ATP10A: variants seen among roughly 807,000 people sequenced by gnomAD.
ATP10A encodes ATPase phospholipid transporting 10A (putative), also known as phospholipid-transporting ATPase VA.
A neutral mutation model predicts 147.8 loss-of-function variants in ATP10A; 111 were observed. The ratio of observed to expected loss-of-function variants is 0.75; its 90% confidence interval spans 0.64 to 0.88. The LOEUF is 0.88. Among genes scored for constraint, ATP10A ranks in the 40% least tolerant of loss-of-function variants. The pLI, the probability that ATP10A is intolerant of heterozygous loss-of-function variation, is 0.00. For synonymous variants in ATP10A, 875 were observed against 841.6 expected (o/e 1.04, Z -0.69); for missense variants, 1,927 against 1,959.0 (o/e 0.98, Z 0.31).
In ATP10A at chr15:25,781,092, T is replaced by G. The variant is rs1889900065; in HGVS notation, c.581A>C (p.His194Pro). 1.2e-6 allele frequency: 2 copies of G among 1,614,052 alleles called. No homozygotes were observed. Among genetic ancestry groups the G allele is most frequent in the Non-Finnish European group, 8.5e-7 (1 of 1,180,046 alleles). ...LSSSDPDGLC[H>P]IETANLDGET... ...TCCATCCAGGTTGGCGGTCTCGATG[T>G]GGCATAGCCCGTCGGGGTCACTGGA... Residue 194 changes from histidine (H) to proline (P), a missense_variant, in exon 2 of 21, where the codon CAC becomes CCC. Transcript: ENST00000555815.
At chr15:25,780,905 A>G in intron 2 of ATP10A, 114 bp downstream of exon 2, 1 of 1,224,262 alleles carries the variant, frequency 8.2e-7, no homozygotes, top group Admixed American at 2.1e-5. Context: ...TACTAGGAAA[A>G]ACAGCCTGGT....
At chr15:25,745,590 C>T (rs1887806629) in intron 2 of ATP10A, among the ~76,000 whole-genome samples, 1 of 151,778 alleles carries the variant, frequency 6.6e-6, no homozygotes, top group Non-Finnish European at 1.5e-5. Context: ...AGGAAATTGG[C>T]CTGATGAAAG....
Position 25,759,308 on chromosome 15 carries a change from C to G in ATP10A, c.654+21711G>C, listed in dbSNP as rs1021331412. Among the ~76,000 whole-genome samples the G allele has an allele frequency of 4.6e-5, 7 of 152,136 alleles. 1 individual carries two copies. The South Asian group carries it at 1.5e-3, about 32-fold the overall frequency. On this transcript the variant is annotated intron_variant, in intron 2 of 20. Coordinates refer to ENST00000555815, the MANE Select transcript of ATP10A (RefSeq NM_024490.4). Reference sequence around the variant, plus strand: ...TTATCCTCAGGTAGAAGGCATAGGACAAAATGGAAGGTTTAAGCAAGATGT... The same window carrying G: ...TTATCCTCAGGTAGAAGGCATAGGAGAAAATGGAAGGTTTAAGCAAGATGT...
chr15:25,693,506 G>A (rs541475063), intron 14 of ATP10A, among the ~76,000 whole-genome samples: 1 of 152,076 alleles, frequency 6.6e-6, no homozygotes, highest in East Asian at 2.0e-4. Flanking sequence ...GTCTTACTGT[G>A]TACTGTGGCC....
intron 1 of ATP10A, among the ~76,000 whole-genome samples, chr15:25,796,979 T>C (rs8023362): frequency 0.21 from 32,034 of 152,240 alleles, 3,692 homozygotes; most frequent in African/African-American, 0.3. Context: ...ACCGATCTTT[T>C]TTTCTGATGA....
Position 25,841,247 on chromosome 15 carries a change from T to A in ATP10A, c.449+21401A>T, listed in dbSNP as rs541017546. ...ATTTAAATCTATAATCTTTAACAAGTTAATTTTTATATGAGGTATGTGAGG... is the reference window on the plus strand; with the variant it reads ...ATTTAAATCTATAATCTTTAACAAGATAATTTTTATATGAGGTATGTGAGG... On this transcript the variant is annotated intron_variant, in intron 1 of 20. Transcript: ENST00000555815. Among the ~76,000 whole-genome samples, 26 of 150,146 alleles carry A rather than the reference T, an allele frequency of 1.7e-4. No homozygotes were observed. The South Asian group carries it at 5.4e-3, about 31-fold the overall frequency.
chr15:25,746,031 C>T (rs531041787), intron 2 of ATP10A, among the ~76,000 whole-genome samples: 42 of 152,168 alleles, frequency 2.8e-4, no homozygotes, highest in African/African-American at 9.9e-4. Context: ...CCAGTAGTAA[C>T]TTTAAAAGTG....
At chr15:25,683,235 G>T in intron 17 of ATP10A, 51 bp downstream of exon 17, 3 of 1,557,512 alleles carry the variant, frequency 1.9e-6, no homozygotes, top group Non-Finnish European at 2.6e-6. Context: ...AAGAGTGAAC[G>T]TGGAGGGCAG....
At chr15:25,693,995 A>T (rs181374230) in intron 14 of ATP10A, among the ~76,000 whole-genome samples, 28 of 152,030 alleles carry the variant, frequency 1.8e-4, no homozygotes, top group Admixed American at 1.6e-3. Context: ...GTTCTCACCT[A>T]GGAGTAGATT....
Position 25,713,729 on chromosome 15 carries a change from G to A in ATP10A, c.2289C>T (p.Val763=). 6.2e-7 allele frequency: 1 copy of A among 1,614,178 alleles called. No homozygotes were observed. The highest frequency in any genetic ancestry group is 8.5e-7 in the Non-Finnish European group (1 of 1,180,042). Residue 763 remains valine, a synonymous_variant, in exon 10 of 21, where the codon GTC becomes GTT. Coordinates refer to ENST00000555815, the MANE Select transcript of ATP10A (RefSeq NM_024490.4). The part of the protein sequence containing the change: ...IRHPLTDEIN[V]YTKGADSVVM... ...CCACTGAGTCGGCCCCCTTGGTGTA[G>A]ACGTTGATCTCATCGGTAAGCGGGT...
chr15:25,753,344 G>A (rs2140591360), intron 2 of ATP10A, among the ~76,000 whole-genome samples: 1 of 152,226 alleles, frequency 6.6e-6, no homozygotes, highest in East Asian at 1.9e-4. Flanking sequence ...TGAGATACTT[G>A]TCTTTCTGTG....
intron 2 of ATP10A, among the ~76,000 whole-genome samples, chr15:25,741,860 A>T (rs1887595703): frequency 6.6e-6 from 1 of 152,346 alleles, no homozygotes; most frequent in East Asian, 1.9e-4. Flanking sequence ...AAAAATAAAT[A>T]ATAAATAAAT....
At chr15:25,823,537 A>G (rs1483137575) in intron 1 of ATP10A, among the ~76,000 whole-genome samples, 1 of 152,194 alleles carries the variant, frequency 6.6e-6, no homozygotes, top group Non-Finnish European at 1.5e-5. Context: ...GATACCCACT[A>G]TGTTGTATTT....
At chr15:25,784,526 C>T (rs61991472) in intron 1 of ATP10A, among the ~76,000 whole-genome samples, 44,792 of 152,054 alleles carry the variant, frequency 0.29, 7,072 homozygotes, top group East Asian at 0.41. Flanking sequence ...ACCCTCCACA[C>T]ATGGAGAGAT....
intron 1 of ATP10A, among the ~76,000 whole-genome samples, chr15:25,860,350 G>A (rs1024526733): frequency 2.6e-5 from 4 of 152,132 alleles, no homozygotes; most frequent in African/African-American, 4.8e-5. Context: ...CCTGCATCCC[G>A]GGGCTGGGAG....
At chr15:25,822,190 C>T (rs528907429) in intron 1 of ATP10A, among the ~76,000 whole-genome samples, 1 of 152,108 alleles carries the variant, frequency 6.6e-6, no homozygotes, top group African/African-American at 2.4e-5. Context: ...TCAGTATAGA[C>T]CCAGTGATTT....
intron 2 of ATP10A, among the ~76,000 whole-genome samples, chr15:25,746,572 T>C (rs1341803819): frequency 6.6e-6 from 1 of 152,342 alleles, no homozygotes; most frequent in East Asian, 1.9e-4. Context: ...TGACAAGTAC[T>C]GACCATATTC....
chr15:25,838,640 G>T lies in ATP10A; in HGVS notation c.449+24008C>A, dbSNP rs184207279. On this transcript the variant is annotated intron_variant, in intron 1 of 20. Transcript: ENST00000555815. ...ATTACTCAAGTGCAGATGAAGTTTT[G>T]ATTTTCTGCATCTTTAAACTCACTA... Among the ~76,000 whole-genome samples the T allele has an allele frequency of 1.4e-3, 220 of 152,288 alleles. 1 individual carries two copies. The highest frequency in any genetic ancestry group is 6.8e-3 in the Middle Eastern group (2 of 294).
intron 1 of ATP10A, among the ~76,000 whole-genome samples, chr15:25,843,372 GGAGA>G (rs1369177879): frequency 6.6e-6 from 1 of 152,084 alleles, no homozygotes; most frequent in Non-Finnish European, 1.5e-5. Context: ...CAGTGCAAGT[GGAGA>G]GAGACAGATG....
Sources: gnomAD v4.1 joint callset for allele counts (sites outside exome capture counted in the v4.1 genomes callset) on GRCh38, gnomAD v4.1.1 for gene constraint, MANE v1.5 for transcripts, NCBI Gene and HGNC (gene_info 2026-07-23, HGNC 2026-07-21) for gene names.